The following CSMD1 variants were observed in gnomAD, a reference collection of about 807,000 sequenced individuals.
CSMD1 encodes the protein CUB and sushi domain-containing protein 1.
In CSMD1, 213 loss-of-function variants were observed where a neutral mutation model predicts 417.5. That is an observed-to-expected ratio of 0.51 (90% confidence interval 0.46 to 0.57). The LOEUF (loss-of-function observed/expected upper bound fraction) is 0.57. Among genes scored for constraint, CSMD1 ranks in the 20% least tolerant of loss-of-function variants. The pLI is 0.00. For synonymous variants in CSMD1, 2,862 were observed against 1,736.8 expected, an observed-to-expected ratio of 1.65 and a Z score of -16.11; for missense variants, 6,923 against 4,529.7, an observed-to-expected ratio of 1.53 and a Z score of -15.17.
intron 5 of CSMD1, among the ~76,000 whole-genome samples, chr8:3,867,476 C>G (rs754783345): frequency 6.6e-6 from 1 of 152,136 alleles, no homozygotes; most frequent in African/African-American, 2.4e-5. Context: ...CAAAATATAT[C>G]TGACCTGCTG....
At chr8:2,946,104 C>T (rs1245769366) in intron 68 of CSMD1, among the ~76,000 whole-genome samples, 1 of 152,174 alleles carries the variant, frequency 6.6e-6, no homozygotes, top group African/African-American at 2.4e-5. Context: ...ACATGAGTAA[C>T]ACCGTGCACT....
In CSMD1 at chr8:3,606,014, G is replaced by A. The variant is rs552754511; in HGVS notation, c.1097+10696C>T. ...TCATATAAAATCAAATCAATAAGGC[G>A]TCTCCCCTTTCCTACAAAATCACAT... On this transcript the variant is annotated intron_variant, in intron 8 of 69. Transcript: ENST00000635120. Among the ~76,000 whole-genome samples, 6 of 152,156 alleles carry A rather than the reference G, an allele frequency of 3.9e-5. No individual in the cohort carries two copies. In the East Asian group the frequency reaches 7.7e-4, roughly 20 times the overall value.
intron 49 of CSMD1, among the ~76,000 whole-genome samples, chr8:3,056,548 T>G (rs564649311): frequency 6.6e-6 from 1 of 152,100 alleles, no homozygotes; most frequent in African/African-American, 2.4e-5. Context: ...TTTGTATTTT[T>G]TTGGAGAGAC....
intron 10 of CSMD1, among the ~76,000 whole-genome samples, chr8:3,505,982 T>C (rs1316724071): frequency 6.6e-6 from 1 of 152,210 alleles, no homozygotes; most frequent in African/African-American, 2.4e-5. Flanking sequence ...GTTGAGTGGA[T>C]AAAAATACAC....
At chr8:4,632,532 A>T (rs2130846415) in intron 2 of CSMD1, among the ~76,000 whole-genome samples, 1 of 152,198 alleles carries the variant, frequency 6.6e-6, no homozygotes, top group Non-Finnish European at 1.5e-5. Context: ...GGGAGCAGGG[A>T]AAAACTCAAG....
At position 3,493,619 on chromosome 8, in the gene CSMD1, T is replaced by A; in HGVS notation, c.1448+4A>T. On this transcript the variant is annotated splice_donor_region_variant and intron_variant, in intron 11 of 69. Coordinates refer to ENST00000635120, the MANE Select transcript of CSMD1 (RefSeq NM_033225.6). ...GAGAAGAAGAAGCTCAAGGACATAC[T>A]CACACGTACAAGACCGATCTGGTGT... 1 of 1,604,624 alleles carries A rather than the reference T, an allele frequency of 6.2e-7. No homozygotes were observed. The highest frequency in any genetic ancestry group is 8.5e-7 in the Non-Finnish European group (1 of 1,175,182).
intron 2 of CSMD1, among the ~76,000 whole-genome samples, chr8:4,487,261 C>T (rs1010212031): frequency 2.0e-5 from 3 of 151,930 alleles, no homozygotes; most frequent in Non-Finnish European, 4.4e-5. Context: ...CATGCCGGTG[C>T]GGTGCACCCA....
At chr8:3,304,741 T>TCA (rs1804692070) in intron 25 of CSMD1, among the ~76,000 whole-genome samples, 7 of 152,264 alleles carry the variant, frequency 4.6e-5, no homozygotes, top group Non-Finnish European at 1.0e-4. Context: ...TTTTTAATTT[T>TCA]TTTTATTAAA....
chr8:4,277,892 C>T (rs559988848), intron 3 of CSMD1, among the ~76,000 whole-genome samples: 7 of 152,162 alleles, frequency 4.6e-5, no homozygotes, highest in Middle Eastern at 3.4e-3. Flanking sequence ...GGACTACAGG[C>T]GCCCACCACC....
chr8:4,149,443 G>C (rs1481493472), intron 3 of CSMD1, among the ~76,000 whole-genome samples: 3 of 152,046 alleles, frequency 2.0e-5, no homozygotes, highest in East Asian at 1.9e-4. Flanking sequence ...TTCTACATAA[G>C]GGCCAATAAA....
chr8:4,184,835 T>A (rs985206668), intron 3 of CSMD1, among the ~76,000 whole-genome samples: 1 of 151,878 alleles, frequency 6.6e-6, no homozygotes, highest in South Asian at 2.1e-4. Flanking sequence ...TACCCCTGAA[T>A]TTAAAATACC....
intron 5 of CSMD1, among the ~76,000 whole-genome samples, chr8:3,778,955 G>A (rs1415963384): frequency 1.3e-5 from 2 of 152,136 alleles, no homozygotes; most frequent in Non-Finnish European, 2.9e-5. Context: ...AGGACAATCA[G>A]CCTTGGCTTG....
rs1190263157 is a variant in CSMD1 at position 4,979,586 on chromosome 8, T to C, written c.85+14746A>G. Among the ~76,000 whole-genome samples the C allele has an allele frequency of 3.3e-5, 5 of 152,348 alleles. No individual in the cohort carries two copies. The South Asian group carries it at 1.0e-3, about 32-fold the overall frequency. On this transcript the variant is annotated intron_variant, in intron 1 of 69. Transcript: ENST00000635120. ...TGAAATCATTTTTTCCTTCAATGTA[T>C]TTAAATCATTAAGAAATCTAAAAAT...
chr8:4,743,885 T>G (rs1015660850), intron 1 of CSMD1, among the ~76,000 whole-genome samples: 1 of 152,130 alleles, frequency 6.6e-6, no homozygotes, highest in Non-Finnish European at 1.5e-5. Flanking sequence ...TTCTAGTTGC[T>G]CCCTATATCC....
chr8:3,968,004 TAAAAAAAAAA>T (rs11330461), intron 5 of CSMD1, among the ~76,000 whole-genome samples: 1 of 98,920 alleles, frequency 1.0e-5, no homozygotes, highest in African/African-American at 4.4e-5. Context: ...CGTCACTGCT[TAAAAAAAAAA>T]AAAAAAAAAA....
intron 3 of CSMD1, among the ~76,000 whole-genome samples, chr8:4,396,616 TACACACACACACACACACACAC>T (rs143703195): frequency 6.7e-6 from 1 of 148,576 alleles, no homozygotes; most frequent in African/African-American, 2.5e-5. Context: ...GAAAATGTGA[TACACACACACACACACACACAC>T]ACATAAATAT....
intron 26 of CSMD1, among the ~76,000 whole-genome samples, chr8:3,256,343 A>G (rs1039886774): frequency 1.3e-5 from 2 of 151,582 alleles, no homozygotes; most frequent in African/African-American, 4.9e-5. Flanking sequence ...AAGGAAGGAA[A>G]GAAAGGAAGG....
intron 3 of CSMD1, among the ~76,000 whole-genome samples, chr8:4,298,383 T>A (rs563284293): frequency 6.6e-6 from 1 of 152,278 alleles, no homozygotes; most frequent in East Asian, 1.9e-4. Flanking sequence ...TTACTGTATT[T>A]GCTTTGAATC....
intron 3 of CSMD1, among the ~76,000 whole-genome samples, chr8:4,260,715 T>C (rs934182624): frequency 1.3e-5 from 2 of 152,224 alleles, no homozygotes; most frequent in African/African-American, 4.8e-5. Flanking sequence ...GGTTTATTAA[T>C]ATCTTCTTAT....
Sources: allele counts gnomAD v4.1 joint callset (sites outside exome capture counted in the v4.1 genomes callset), GRCh38; gene constraint gnomAD v4.1.1; transcripts MANE v1.5; gene names NCBI Gene and HGNC (gene_info 2026-07-23, HGNC 2026-07-21).